MDGA2: variants seen among roughly 807,000 people sequenced by gnomAD.
MDGA2 encodes MAM domain containing glycosylphosphatidylinositol anchor 2.
MDGA2 carries 40 observed loss-of-function variants against 117.8 expected under a neutral mutation model. The ratio of observed to expected loss-of-function variants is 0.34; its 90% CI spans 0.26 to 0.44. The LOEUF is 0.44. Among genes scored for constraint, MDGA2 ranks in the 20% least tolerant of loss-of-function variants. MDGA2 has a pLI of 1.00. For missense variants in MDGA2, 1,123 were observed against 1,250.6 expected, an observed-to-expected ratio of 0.90 and a Z score of 1.54; for synonymous variants, 452 against 439.0, an observed-to-expected ratio of 1.03 and a Z score of -0.37.
At chr14:46,897,760 T>G (rs934609823) in intron 10 of MDGA2, among the ~76,000 whole-genome samples, 2 of 151,880 alleles carry the variant, frequency 1.3e-5, no homozygotes, top group Non-Finnish European at 2.9e-5. Context: ...GTAGAAAGAG[T>G]GCAGTGAGCA....
chr14:47,443,360 C>T (rs750315656), intron 1 of MDGA2, among the ~76,000 whole-genome samples: 2 of 152,054 alleles, frequency 1.3e-5, no homozygotes, highest in African/African-American at 4.8e-5. Context: ...CGGTACTATC[C>T]AAGGTTTCAG....
At chr14:46,938,331 G>C (rs1436433117) in intron 9 of MDGA2, among the ~76,000 whole-genome samples, 2 of 151,728 alleles carry the variant, frequency 1.3e-5, no homozygotes, top group Non-Finnish European at 2.9e-5. Flanking sequence ...CTGAGGTCAG[G>C]AGTTCAAGAC....
intron 1 of MDGA2, among the ~76,000 whole-genome samples, chr14:47,608,562 A>C (rs1053069048): frequency 1.3e-5 from 2 of 152,160 alleles, no homozygotes; most frequent in Non-Finnish European, 2.9e-5. Context: ...CCAGGTGGCT[A>C]TATTAGTAGG....
At chr14:47,647,848 A>C (rs974466065) in intron 1 of MDGA2, among the ~76,000 whole-genome samples, 1 of 152,142 alleles carries the variant, frequency 6.6e-6, no homozygotes, top group Non-Finnish European at 1.5e-5. Context: ...CTATAAAATT[A>C]TTGTTATAAC....
At chr14:47,390,067 T>C (rs1891859033) in intron 1 of MDGA2, among the ~76,000 whole-genome samples, 2 of 152,136 alleles carry the variant, frequency 1.3e-5, no homozygotes, top group Non-Finnish European at 1.5e-5. Flanking sequence ...GCCCCTCCTG[T>C]AATCCGTAGA....
Position 47,540,520 on chromosome 14 carries a change from A to G in MDGA2, c.280+133997T>C, listed in dbSNP as rs982673232. Among the ~76,000 whole-genome samples the G allele has an allele frequency of 5.3e-3, 549 of 102,922 alleles. 4 individuals are homozygous for G. Among genetic ancestry groups the G allele is most frequent in the African/African-American group, 0.014 (445 of 31,128 alleles). 67.5% of individuals were successfully genotyped at this position (102,922 alleles called of 152,430 possible). A position where few individuals can be genotyped will look rare whatever the true frequency, so the allele number is the denominator to read the frequency against. On this transcript the variant is annotated intron_variant, in intron 1 of 16. Transcript: ENST00000399232. Reference sequence around the variant, plus strand: ...TGTGTGTTTGTATATGTATATGTATATGTGTGTGTGTGTGTGTGTGTATAT... The same window carrying G: ...TGTGTGTTTGTATATGTATATGTATGTGTGTGTGTGTGTGTGTGTGTATAT...
Position 47,463,660 on chromosome 14 carries a change from T to C in MDGA2, c.281-162110A>G, listed in dbSNP as rs555954988. Among the ~76,000 whole-genome samples the C allele has an allele frequency of 2.0e-5, 3 of 152,274 alleles. No homozygotes were observed. The South Asian group carries it at 6.2e-4, about 32-fold the overall frequency. Reference sequence around the variant, plus strand: ...GGGATTATCTGGATGTAAGAGTTCTTAATTTCCAAGCAAACTTCTGGGAAC... The same window carrying C: ...GGGATTATCTGGATGTAAGAGTTCTCAATTTCCAAGCAAACTTCTGGGAAC... On this transcript the variant is annotated intron_variant, in intron 1 of 16. Transcript: ENST00000399232.
chr14:47,595,150 C>G (rs958757491), intron 1 of MDGA2, among the ~76,000 whole-genome samples: 2 of 151,936 alleles, frequency 1.3e-5, no homozygotes, highest in South Asian at 2.1e-4. Context: ...ACTATAAAGG[C>G]CTGTTGTATT....
intron 3 of MDGA2, among the ~76,000 whole-genome samples, chr14:47,161,541 A>C (rs573028117): frequency 6.6e-6 from 1 of 151,826 alleles, no homozygotes; most frequent in South Asian, 2.1e-4. Flanking sequence ...TATTTTTCTA[A>C]AATATATATA....
At chr14:46,946,786 C>T (rs1401292445) in intron 9 of MDGA2, among the ~76,000 whole-genome samples, 1 of 152,028 alleles carries the variant, frequency 6.6e-6, no homozygotes, top group Non-Finnish European at 1.5e-5. Context: ...TTCCTCCAGC[C>T]ACCTTACTTA....
chr14:47,507,868 G>A (rs1466524631), intron 1 of MDGA2, among the ~76,000 whole-genome samples: 8 of 152,260 alleles, frequency 5.3e-5, no homozygotes, highest in African/African-American at 1.9e-4. Flanking sequence ...TTTATACTCT[G>A]CTGCAACACA....
chr14:46,986,107 G>A (rs901891732), intron 8 of MDGA2, among the ~76,000 whole-genome samples: 2 of 152,026 alleles, frequency 1.3e-5, no homozygotes, highest in Non-Finnish European at 2.9e-5. Flanking sequence ...AGTTCCAAGG[G>A]AAGGTAGTAA....
At chr14:46,953,605 C>T (rs8016532) in intron 9 of MDGA2, among the ~76,000 whole-genome samples, 17,854 of 151,834 alleles carry the variant, frequency 0.12, 1,990 homozygotes, top group African/African-American at 0.27. Context: ...AATATAAAAA[C>T]TATGCTTTTT....
chr14:47,310,971 T>C (rs761222659), intron 1 of MDGA2, among the ~76,000 whole-genome samples: 1 of 152,154 alleles, frequency 6.6e-6, no homozygotes, highest in African/African-American at 2.4e-5. Context: ...TGGCATCCTG[T>C]TAATAGTGTC....
chr14:46,899,293 G>A (rs1342593357), intron 10 of MDGA2, among the ~76,000 whole-genome samples: 2 of 151,982 alleles, frequency 1.3e-5, no homozygotes, highest in African/African-American at 2.4e-5. Context: ...ATGTGAAGGA[G>A]TCTTTTCAAA....
chr14:47,448,034 A>G (rs1340671548), intron 1 of MDGA2, among the ~76,000 whole-genome samples: 2 of 152,146 alleles, frequency 1.3e-5, no homozygotes, highest in Non-Finnish European at 2.9e-5. Flanking sequence ...TTTCTGGGTA[A>G]TAGCAATCCC....
At chr14:47,421,240 T>C (rs756866535) in intron 1 of MDGA2, among the ~76,000 whole-genome samples, 16 of 152,138 alleles carry the variant, frequency 1.1e-4, no homozygotes, top group Non-Finnish European at 1.5e-4. Context: ...AATGATGTTA[T>C]TCAAAGGGAG....
intron 8 of MDGA2, among the ~76,000 whole-genome samples, chr14:47,013,961 A>G (rs1887993361): frequency 6.6e-6 from 1 of 150,720 alleles, no homozygotes; most frequent in African/African-American, 2.4e-5. Flanking sequence ...ACGCCTAGCT[A>G]ATTTTGTGTT....
intron 1 of MDGA2, among the ~76,000 whole-genome samples, chr14:47,446,193 A>T (rs1893118279): frequency 6.6e-6 from 1 of 152,176 alleles, no homozygotes. Context: ...GATGTGTATG[A>T]GTACTTGGTT....
Sources: gnomAD v4.1 joint callset for allele counts (sites outside exome capture counted in the v4.1 genomes callset) on GRCh38, gnomAD v4.1.1 for gene constraint, MANE v1.5 for transcripts, NCBI Gene and HGNC (gene_info 2026-07-23, HGNC 2026-07-21) for gene names.